Variants in ODAM observed in about 807,000 individuals in gnomAD.
The protein encoded by ODAM is odontogenic ameloblast-associated protein.
Under a neutral mutation model 48.5 loss-of-function variants are expected in ODAM, and 55 were observed. That is an observed-to-expected ratio of 1.13 (90% CI 0.91 to 1.42). The LOEUF (loss-of-function observed/expected upper bound fraction) is 1.42. Ranked by LOEUF, ODAM falls within the 40% of genes most tolerant of loss-of-function variation. The pLI is 0.00. For synonymous variants in ODAM, 127 were observed against 107.8 expected, an observed-to-expected ratio of 1.18 and a Z score of -1.10; for missense variants, 353 against 323.6, an observed-to-expected ratio of 1.09 and a Z score of -0.70.
chr4:70,202,747 T>C lies in ODAM; in HGVS notation c.649-9T>C, dbSNP rs1729528881. On this transcript the variant is annotated splice_polypyrimidine_tract_variant and intron_variant, in intron 9 of 11. Coordinates refer to ENST00000683306, the MANE Select transcript of ODAM (RefSeq NM_017855.4). ...ACGACAACTTTGTTTTCATTCTCATTCTCTGTAGTCAACAGGAGAAGAGAT... is the reference window on the plus strand; with the variant it reads ...ACGACAACTTTGTTTTCATTCTCATCCTCTGTAGTCAACAGGAGAAGAGAT... The C allele has an allele frequency of 6.3e-7, 1 of 1,596,958 alleles. No homozygotes were observed. Among genetic ancestry groups the C allele is most frequent in the South Asian group, 1.1e-5 (1 of 88,334 alleles).
rs764728239 is a variant in ODAM, at chr4:70,198,617, G to T, written c.414G>T (p.Glu138Asp). 1 of 1,604,544 alleles carries T rather than the reference G, an allele frequency of 6.2e-7. No individual in the cohort carries two copies. The highest frequency in any genetic ancestry group is 2.2e-5 in the East Asian group (1 of 44,510). Residue 138 changes from glutamate (E) to aspartate (D), a missense_variant, in exon 6 of 12, where the codon GAG becomes GAT. By Grantham distance (45) the Glu-to-Asp change is conservative. Coordinates refer to ENST00000683306, the MANE Select transcript of ODAM (RefSeq NM_017855.4). ...TATTCTCCTTCAAAATGCCTCAAGA[G>T]CAAGGACAGGTAAATGGATATAACA... ...PYVFSFKMPQ[E>D]QGQMFQYYPV...
chr4:70,197,351 G>C (rs760746556), intron 4 of ODAM, 30 bp downstream of exon 4: 2 of 1,190,902 alleles, frequency 1.7e-6, no homozygotes, highest in Non-Finnish European at 2.5e-6. Flanking sequence ...TACTTTATGG[G>C]GAATATTTAC....
chr4:70,197,955 C>T lies in ODAM; in HGVS notation c.173C>T (p.Ser58Phe). Reference sequence around the variant, plus strand: ...CTTAATTCATGGATTCCACCTTTCTCTGGAATTTTACAACAGCAGCAGCAG... The same window carrying T: ...CTTAATTCATGGATTCCACCTTTCTTTGGAATTTTACAACAGCAGCAGCAG... ...GPLNSWIPPF[S>F]GILQQQQQAQ... The change falls in exon 5 of 12, where the codon TCT becomes TTT. Residue 58 changes from serine to phenylalanine, a missense_variant. By Grantham distance (155) the Ser-to-Phe change is radical. Coordinates refer to ENST00000683306, the MANE Select transcript of ODAM (RefSeq NM_017855.4). 1 of 1,613,250 alleles carries T rather than the reference C, an allele frequency of 6.2e-7. No homozygotes were observed. The highest frequency in any genetic ancestry group is 8.5e-7 in the Non-Finnish European group (1 of 1,179,482).
Position 70,201,439 on chromosome 4 carries a change from TA to T in ODAM, c.529-9del. 2.1e-6 allele frequency: 3 copies of T among 1,397,874 alleles called. No homozygotes were observed. Among genetic ancestry groups the T allele is most frequent in the South Asian group, 1.2e-5 (1 of 81,590 alleles). The allele number at this position is 1,397,874 out of a possible 1,614,324, so 86.6% of individuals were successfully genotyped here. On this transcript the variant is annotated splice_polypyrimidine_tract_variant and intron_variant, in intron 7 of 11. Transcript: ENST00000683306. Reference sequence around the variant, plus strand: ...ATCACAGAAAATATAATACATTTTTTAAAAAATCTGACAGATACCATTCTAT... The same window carrying T: ...ATCACAGAAAATATAATACATTTTTTAAAAATCTGACAGATACCATTCTAT...
rs1560485155 is a variant in ODAM, at chr4:70,203,169, G to C, written c.824G>C (p.Ser275Thr). ...ELPEEKDKTD[S>T]LREP ...TTTTCTCACTAGGACAAGACTGACA[G>C]CCTAAGGGAACCATAAGAAGTTGCC... is the stretch of plus-strand genomic sequence containing the variant. The change falls in exon 11 of 12, where the codon AGC (serine) becomes ACC (threonine). Residue 275 changes from serine to threonine, a missense_variant. Ser to Thr is a moderately conservative substitution (Grantham distance 58, BLOSUM62 1). Coordinates refer to ENST00000683306, the MANE Select transcript of ODAM (RefSeq NM_017855.4). 1 of 1,602,834 alleles carries C rather than the reference G, an allele frequency of 6.2e-7. No individual in the cohort carries two copies. The highest frequency in any genetic ancestry group is 8.5e-7 in the Non-Finnish European group (1 of 1,170,930).
At chr4:70,199,731 T>C (rs774734971) in intron 6 of ODAM, among the ~76,000 whole-genome samples, 1 of 152,060 alleles carries the variant, frequency 6.6e-6, no homozygotes, top group Non-Finnish European at 1.5e-5. Context: ...GTTTGATTCT[T>C]AGCCAGGATT....
chr4:70,201,222 A>G (rs1269178585), intron 7 of ODAM, among the ~76,000 whole-genome samples: 1 of 151,860 alleles, frequency 6.6e-6, no homozygotes, highest in East Asian at 1.9e-4. Flanking sequence ...ATTAATTCTA[A>G]TTGTCATGTT....
intron 7 of ODAM, among the ~76,000 whole-genome samples, 155 bp from the exon 8 acceptor site, chr4:70,201,299 T>C (rs538546373): frequency 6.6e-6 from 1 of 151,964 alleles, no homozygotes; most frequent in South Asian, 2.1e-4. Context: ...CTTGTTAATT[T>C]AACAATAATT....
At chr4:70,196,779 A>T in intron 3 of ODAM, 46 bp downstream of exon 3, 1 of 1,474,840 alleles carries the variant, frequency 6.8e-7, no homozygotes, top group Non-Finnish European at 9.4e-7. Flanking sequence ...TTTAATGGAA[A>T]TCAAGTGGGA....
rs1352318063 is a variant in ODAM, at chr4:70,198,271, CATT to C, written c.375+117_375+119del. ...GGGGTTTTTGAACAATATTTTTTCT[CATT>C]ATATGTTTCTACCATCGCTGTAAGT... On this transcript the variant is annotated intron_variant, in intron 5 of 11. Coordinates refer to ENST00000683306, the MANE Select transcript of ODAM (RefSeq NM_017855.4). The C allele has an allele frequency of 4.6e-6, 4 of 861,940 alleles. No individual in the cohort carries two copies. The Admixed American group carries it at 1.1e-4, about 25-fold the overall frequency. The allele number at this position is 861,940 out of a possible 1,614,324, so 53.4% of individuals were successfully genotyped here.
At chr4:70,201,367 A>ATCTTTT in intron 7 of ODAM, 87 bp from the exon 8 acceptor site, 2 of 636,784 alleles carry the variant, frequency 3.1e-6, no homozygotes, top group Non-Finnish European at 5.5e-6. Context: ...ATATAAAAAG[A>ATCTTTT]TATATAAGTT....
chr4:70,199,673 C>A (rs1171210287), intron 6 of ODAM, among the ~76,000 whole-genome samples: 2 of 152,030 alleles, frequency 1.3e-5, no homozygotes, highest in Admixed American at 1.3e-4. Flanking sequence ...ATCAATACCC[C>A]ATGAATAGAT....
rs1403853429 is a variant in ODAM at position 70,196,511 on chromosome 4, TC to T, written c.-15-17del. The T allele has an allele frequency of 7.2e-7, 1 of 1,394,440 alleles. No individual in the cohort carries two copies. The highest frequency in any genetic ancestry group is 1.9e-5 in the Admixed American group (1 of 53,880). 86.4% of individuals were successfully genotyped at this position (1,394,440 alleles called of 1,614,324 possible). A position where few individuals can be genotyped will look rare whatever the true frequency, so the allele number is the denominator to read the frequency against. ...AGTAATGTCTTTATAAAGCTAAAGA[TC>T]ACAACTTATTTTCTAGATATATCAT... On this transcript the variant is annotated splice_polypyrimidine_tract_variant and intron_variant, in intron 1 of 11. Coordinates refer to ENST00000683306, the MANE Select transcript of ODAM (RefSeq NM_017855.4).
intron 1 of ODAM, 89 bp from the exon 2 acceptor site, chr4:70,196,440 C>T (rs1729364527): frequency 3.0e-6 from 2 of 660,286 alleles, no homozygotes; most frequent in Non-Finnish European, 5.0e-6. Context: ...ATTCACCCAG[C>T]TATTCCTTTG....
At chr4:70,201,330 T>C in intron 7 of ODAM, 124 bp from the exon 8 acceptor site, 1 of 543,466 alleles carries the variant, frequency 1.8e-6, no homozygotes, top group South Asian at 2.7e-5. Flanking sequence ...TACTGGAACA[T>C]ATAAACTTTA....
chr4:70,202,837 A>G lies in ODAM; in HGVS notation c.730A>G (p.Thr244Ala). Residue 244 changes from threonine to alanine, a missense_variant, in exon 10 of 12, where the codon ACT becomes GCT. Transcript: ENST00000683306. ...CAGTGCAGGAGTTTTCATGCCCTCA[A>G]CTTCACCAAAACCCAGCACAACCAA... Reference protein sequence around the residue: ...HDSAGVFMPSTSPKPSTTNVF... With the variant: ...HDSAGVFMPSASPKPSTTNVF... 6.2e-7 allele frequency: 1 copy of G among 1,612,340 alleles called. No individual in the cohort carries two copies. The highest frequency in any genetic ancestry group is 1.1e-5 in the South Asian group (1 of 91,004).
chr4:70,202,207 T>C, intron 8 of ODAM, 51 bp from the exon 9 acceptor site: 1 of 1,404,026 alleles, frequency 7.1e-7, no homozygotes, highest in Non-Finnish European at 1.0e-6. Flanking sequence ...CCAAAGAGCA[T>C]ATTTTCAACG....
chr4:70,195,866 G>GCA, intron 1 of ODAM, 73 bp downstream of exon 1: 1 of 543,168 alleles, frequency 1.8e-6, no homozygotes, highest in Non-Finnish European at 2.3e-6. Context: ...AGACTATCAA[G>GCA]TTCACCCTAA....
rs1729515552 is a variant in ODAM at position 70,202,295 on chromosome 4, C to T, written c.614C>T (p.Pro205Leu). Residue 205 changes from proline to leucine, a missense_variant, in exon 9 of 12, where the codon CCC (proline) becomes CTC (leucine). Pro to Leu is a moderately conservative substitution (Grantham distance 98). Coordinates refer to ENST00000683306, the MANE Select transcript of ODAM (RefSeq NM_017855.4). ...GGACAGCAGCAACTAGCTTTTGATC[C>T]CCAACTAGGCACAGCTCCTGAAATT... The part of the protein sequence containing the change: ...SGGQQQLAFD[P>L]QLGTAPEIAV... The T allele has an allele frequency of 6.2e-7, 1 of 1,611,752 alleles. No homozygotes were observed. The highest frequency in any genetic ancestry group is 8.5e-7 in the Non-Finnish European group (1 of 1,178,566).
Sources: allele counts gnomAD v4.1 joint callset (sites outside exome capture counted in the v4.1 genomes callset), GRCh38; gene constraint gnomAD v4.1.1; transcripts MANE v1.5; gene names NCBI Gene and HGNC (gene_info 2026-07-23, HGNC 2026-07-21).